The following PACRG variants were observed in gnomAD, a reference collection of about 807,000 sequenced individuals.
PACRG encodes the protein parkin coregulated.
A neutral mutation model predicts 29.7 loss-of-function variants in PACRG; 29 were observed. That is an observed-to-expected ratio of 0.98 (90% CI 0.73 to 1.33). The LOEUF (loss-of-function observed/expected upper bound fraction) is 1.33. Among genes scored for constraint, PACRG ranks in the 40% most tolerant of loss-of-function variants. The probability of loss-of-function intolerance (pLI) is 0.00; values close to 1 mark genes in which losing one functional copy is unlikely to be tolerated. For missense variants in PACRG, 279 were observed against 316.2 expected, an observed-to-expected ratio of 0.88 and a Z score of 0.89; for synonymous variants, 116 against 118.7, an observed-to-expected ratio of 0.98 and a Z score of 0.15.
intron 2 of PACRG, among the ~76,000 whole-genome samples, chr6:162,913,230 C>T (rs375511913): frequency 2.0e-5 from 3 of 152,312 alleles, no homozygotes; most frequent in East Asian, 1.9e-4. Flanking sequence ...TAATCAACAT[C>T]CCATGGTCCC....
At chr6:163,104,891 G>T (rs1372057755) in intron 4 of PACRG, among the ~76,000 whole-genome samples, 2 of 152,114 alleles carry the variant, frequency 1.3e-5, no homozygotes, top group African/African-American at 2.4e-5. Flanking sequence ...AAACACGGTT[G>T]TATATTATAC....
In PACRG at chr6:162,956,820, C is replaced by T. The variant is rs137882437; in HGVS notation, c.292-105330C>T. ...CAACTTGACTACATCTGCAAACAAG[C>T]TCACATCACGAGGCCCTGGGGGTTA... On this transcript the variant is annotated intron_variant, in intron 2 of 4. Transcript: ENST00000366888. Among the ~76,000 whole-genome samples the T allele has an allele frequency of 1.9e-3, 285 of 152,314 alleles. 1 individual carries two copies. The highest frequency in any genetic ancestry group is 6.4e-3 in the African/African-American group (266 of 41,554).
chr6:162,798,112 G>A (rs1785532489), intron 1 of PACRG, among the ~76,000 whole-genome samples: 1 of 152,142 alleles, frequency 6.6e-6, no homozygotes, highest in African/African-American at 2.4e-5. Context: ...ACTTACTGCT[G>A]AATTGAATTG....
At chr6:162,856,477 G>A (rs1164915531) in intron 2 of PACRG, among the ~76,000 whole-genome samples, 2 of 152,156 alleles carry the variant, frequency 1.3e-5, no homozygotes, top group Non-Finnish European at 2.9e-5. Context: ...ACATGATGAA[G>A]GTCCAAGCCC....
chr6:162,985,944 A>G (rs191446873), intron 2 of PACRG, among the ~76,000 whole-genome samples: 1 of 148,016 alleles, frequency 6.8e-6, no homozygotes, highest in Non-Finnish European at 1.5e-5. Context: ...CAAGAACTCA[A>G]CCCCTTTCAC....
At chr6:162,998,713 G>T (rs1362551295) in intron 2 of PACRG, among the ~76,000 whole-genome samples, 2 of 152,136 alleles carry the variant, frequency 1.3e-5, no homozygotes, top group Non-Finnish European at 2.9e-5. Context: ...TGCTCTAGAA[G>T]CATGCTTAGA....
intron 4 of PACRG, among the ~76,000 whole-genome samples, chr6:163,173,833 A>C (rs182818551): frequency 1.3e-5 from 2 of 152,274 alleles, no homozygotes; most frequent in East Asian, 3.9e-4. Flanking sequence ...TTGGGGTTAG[A>C]GTGTTGGTGC....
In PACRG at chr6:162,780,940, A is replaced by T. The variant is rs866678353; in HGVS notation, c.157-33207A>T. 4.6e-5 allele frequency among the ~76,000 whole-genome samples: 7 copies of T among 152,184 alleles called. No individual in the cohort carries two copies. The Middle Eastern group carries it at 0.014, about 296-fold the overall frequency. ...ACCTAATATACATGTAATTCAAGTC[A>T]CTGAATGAGAGAGGAGTGGGAGATA... On this transcript the variant is annotated intron_variant, in intron 1 of 4. Transcript: ENST00000366888.
At chr6:162,982,273 T>G (rs56410688) in intron 2 of PACRG, among the ~76,000 whole-genome samples, 8,657 of 152,052 alleles carry the variant, frequency 0.057, 610 homozygotes, top group African/African-American at 0.17. Flanking sequence ...ATCTTTTATA[T>G]TGTTTTCTTT....
chr6:163,109,401 C>A (rs2128318547), intron 4 of PACRG, among the ~76,000 whole-genome samples: 1 of 152,270 alleles, frequency 6.6e-6, no homozygotes, highest in East Asian at 1.9e-4. Context: ...CTCCATGCAG[C>A]AAAAATTACA....
rs57474589 is a variant in PACRG, at chr6:162,960,708, C to A, written c.292-101442C>A. On this transcript the variant is annotated intron_variant, in intron 2 of 4. Coordinates refer to ENST00000366888, the MANE Select transcript of PACRG (RefSeq NM_001080379.2). ...TCACGTAGCAAATCTGCACATGTAC[C>A]CCCTATATCTAAAATAAAAGTAGAA... Among the ~76,000 whole-genome samples the A allele has an allele frequency of 8.0e-3, 1,219 of 152,136 alleles. 10 individuals are homozygous for A. Among genetic ancestry groups the A allele is most frequent in the African/African-American group, 0.027 (1,108 of 41,494 alleles).
intron 2 of PACRG, among the ~76,000 whole-genome samples, chr6:162,928,521 T>C (rs1479573686): frequency 6.6e-6 from 1 of 152,202 alleles, no homozygotes; most frequent in South Asian, 2.1e-4. Context: ...TGGGTACATG[T>C]GATAATTCAA....
At chr6:163,132,468 A>G (rs916883513) in intron 4 of PACRG, among the ~76,000 whole-genome samples, 1 of 152,176 alleles carries the variant, frequency 6.6e-6, no homozygotes, top group African/African-American at 2.4e-5. Flanking sequence ...GAAATATGAC[A>G]CCCAGAATGT....
chr6:163,220,443 C>T (rs1308132937), intron 4 of PACRG, among the ~76,000 whole-genome samples: 1 of 152,124 alleles, frequency 6.6e-6, no homozygotes, highest in East Asian at 1.9e-4. Context: ...CTCTCTCTCT[C>T]CATAGTAGAC....
At chr6:162,810,391 C>G (rs182494295) in intron 1 of PACRG, among the ~76,000 whole-genome samples, 1 of 152,146 alleles carries the variant, frequency 6.6e-6, no homozygotes, top group Non-Finnish European at 1.5e-5. Context: ...ACTGGTTTCA[C>G]AAGAAAATCA....
At chr6:162,967,906 T>G (rs1801184542) in intron 2 of PACRG, among the ~76,000 whole-genome samples, 1 of 152,198 alleles carries the variant, frequency 6.6e-6, no homozygotes, top group South Asian at 2.1e-4. Context: ...CAGAATGAAA[T>G]ATAAATGCAA....
chr6:163,012,220 T>G (rs1805680584), intron 2 of PACRG, among the ~76,000 whole-genome samples: 2 of 152,206 alleles, frequency 1.3e-5, no homozygotes, highest in African/African-American at 4.8e-5. Flanking sequence ...GAAAATAAGT[T>G]AGATATGTTT....
At chr6:163,119,247 G>A (rs765879129) in intron 4 of PACRG, among the ~76,000 whole-genome samples, 28 of 152,206 alleles carry the variant, frequency 1.8e-4, no homozygotes, top group Non-Finnish European at 2.6e-4. Context: ...ACAGCTCTTC[G>A]CAGCCATGAG....
At chr6:162,948,428 C>T (rs1799407860) in intron 2 of PACRG, among the ~76,000 whole-genome samples, 1 of 151,966 alleles carries the variant, frequency 6.6e-6, no homozygotes, top group Non-Finnish European at 1.5e-5. Context: ...AGACCTGAAA[C>T]TAAAAACTAG....
Sources: gnomAD v4.1 joint callset for allele counts (sites outside exome capture counted in the v4.1 genomes callset) on GRCh38, gnomAD v4.1.1 for gene constraint, MANE v1.5 for transcripts, NCBI Gene and HGNC (gene_info 2026-07-23, HGNC 2026-07-21) for gene names.